Variants in C1QTNF3 observed in about 807,000 individuals in gnomAD.
The protein encoded by C1QTNF3 is complement C1q tumor necrosis factor-related protein 3.
Under a neutral mutation model 32.6 loss-of-function variants are expected in C1QTNF3, and 26 were observed. The ratio of observed to expected loss-of-function variants is 0.80; its 90% CI spans 0.58 to 1.11. The LOEUF (loss-of-function observed/expected upper bound fraction) is 1.11, where lower values mean the gene tolerates loss of function less well. Ranked by LOEUF, C1QTNF3 falls within the 50% of genes least tolerant of loss-of-function variation. The pLI, the probability that C1QTNF3 is intolerant of heterozygous loss-of-function variation, is 0.00. For synonymous variants in C1QTNF3, 155 were observed against 146.0 expected, an observed-to-expected ratio of 1.06 and a Z score of -0.44; for missense variants, 362 against 398.2, an observed-to-expected ratio of 0.91 and a Z score of 0.77.
rs1376225255 is a variant in C1QTNF3, at chr5:34,042,331, C to A, written c.303+492G>T. Among the ~76,000 whole-genome samples the A allele has an allele frequency of 3.3e-5, 5 of 152,004 alleles. No homozygotes were observed. The East Asian group carries it at 9.6e-4, about 29-fold the overall frequency. On this transcript the variant is annotated intron_variant, in intron 1 of 5. Transcript: ENST00000382065. The stretch of plus-strand genomic sequence containing the variant: ...GCTATAAATCAAATAAACAAGACTG[C>A]CATGAAATGTCACAGTATACTCACA...
chr5:34,178,295 C>G, the C1QTNF3 span, among the ~76,000 whole-genome samples: 1 of 152,084 alleles, frequency 6.6e-6, no homozygotes, highest in South Asian at 2.1e-4. Context: ...AGAAAGAATT[C>G]AGAGCTGGTT....
the C1QTNF3 span, among the ~76,000 whole-genome samples, chr5:34,119,204 G>C: frequency 6.6e-6 from 1 of 152,146 alleles, no homozygotes; most frequent in Non-Finnish European, 1.5e-5. Flanking sequence ...CTTAGAATCT[G>C]ATCAATATCT....
the C1QTNF3 span, among the ~76,000 whole-genome samples, chr5:34,209,210 G>A: frequency 6.6e-6 from 1 of 152,092 alleles, no homozygotes; most frequent in Non-Finnish European, 1.5e-5. Context: ...GAATAGCCTG[G>A]TGGCCTTAAA....
At chr5:34,087,655 C>T in the C1QTNF3 span, among the ~76,000 whole-genome samples, 1 of 138,792 alleles carries the variant, frequency 7.2e-6, no homozygotes, top group East Asian at 2.1e-4. Context: ...CTCAATCAGC[C>T]TTGACCTCTC....
the C1QTNF3 span, among the ~76,000 whole-genome samples, chr5:34,105,249 GA>G: frequency 6.6e-6 from 1 of 152,062 alleles, no homozygotes; most frequent in Non-Finnish European, 1.5e-5. Context: ...TTGTAAGCAT[GA>G]CAAGACTCAA....
the C1QTNF3 span, among the ~76,000 whole-genome samples, chr5:34,135,394 T>C: frequency 2.0e-5 from 3 of 152,094 alleles, no homozygotes; most frequent in African/African-American, 7.2e-5. Context: ...TTTTTTTGCG[T>C]CTCTGCCAGG....
In C1QTNF3 at chr5:34,023,900, A is replaced by C. The variant is rs1554007357; in HGVS notation, c.800+9T>G. The C allele has an allele frequency of 6.2e-7, 1 of 1,611,328 alleles. No individual in the cohort carries two copies. Among genetic ancestry groups the C allele is most frequent in the Non-Finnish European group, 8.5e-7 (1 of 1,177,676 alleles). On this transcript the variant is annotated intron_variant, in intron 5 of 5. Transcript: ENST00000382065. ...ATGGATGAGACCCATGACAGAAAAG[A>C]CCACCCACCTGTACATGCTGAAGAC...
the C1QTNF3 span, among the ~76,000 whole-genome samples, chr5:34,125,625 AT>A: frequency 6.6e-6 from 1 of 152,008 alleles, no homozygotes; most frequent in Non-Finnish European, 1.5e-5. Context: ...TTGTCTGCAC[AT>A]TTCTAAACAT....
the C1QTNF3 span, among the ~76,000 whole-genome samples, chr5:34,228,816 C>T: frequency 2.0e-5 from 3 of 151,634 alleles, no homozygotes; most frequent in Non-Finnish European, 4.4e-5. Context: ...ACCTATAAAG[C>T]TACTATTCCT....
At chr5:34,195,889 G>A in the C1QTNF3 span, among the ~76,000 whole-genome samples, 188 of 152,188 alleles carry the variant, frequency 1.2e-3, no homozygotes, top group African/African-American at 4.3e-3. Context: ...CCCAAGGTGA[G>A]GATACTGGGA....
At chr5:34,186,660 G>A in the C1QTNF3 span, among the ~76,000 whole-genome samples, 2 of 152,336 alleles carry the variant, frequency 1.3e-5, no homozygotes, top group South Asian at 4.2e-4. Context: ...GGGACTATAA[G>A]TGTGTACCAC....
At chr5:34,082,548 C>G in the C1QTNF3 span, among the ~76,000 whole-genome samples, 1 of 151,776 alleles carries the variant, frequency 6.6e-6, no homozygotes, top group East Asian at 1.9e-4. Flanking sequence ...TATCAAAGGA[C>G]AGCATCGTCT....
chr5:34,094,332 G>A, the C1QTNF3 span, among the ~76,000 whole-genome samples: 1 of 151,968 alleles, frequency 6.6e-6, no homozygotes, highest in Non-Finnish European at 1.5e-5. Flanking sequence ...ACAGCTGTGA[G>A]CTCCAGGCTT....
upstream of C1QTNF3, among the ~76,000 whole-genome samples, chr5:34,044,512 T>C (rs2112128786): frequency 6.6e-6 from 1 of 152,132 alleles, no homozygotes; most frequent in Non-Finnish European, 1.5e-5. Context: ...AGAGAGCTGT[T>C]GACAGCTGCC....
the C1QTNF3 span, among the ~76,000 whole-genome samples, chr5:34,221,547 A>G: frequency 6.6e-6 from 1 of 152,072 alleles, no homozygotes; most frequent in South Asian, 2.1e-4. Flanking sequence ...CTGCCAGTCA[A>G]TGTTACATGT....
the C1QTNF3 span, among the ~76,000 whole-genome samples, chr5:34,113,703 T>C: frequency 6.6e-6 from 1 of 152,274 alleles, no homozygotes; most frequent in South Asian, 2.1e-4. Context: ...AAAACATATA[T>C]CCATATAGCA....
chr5:34,121,352 G>A, the C1QTNF3 span, among the ~76,000 whole-genome samples: 2 of 151,996 alleles, frequency 1.3e-5, no homozygotes, highest in South Asian at 4.2e-4. Context: ...CCTGAGACTG[G>A]GAAGAAAAGG....
chr5:34,033,098 T>C (rs1363430329), intron 3 of C1QTNF3: 1 of 513,378 alleles, frequency 1.9e-6, no homozygotes. Flanking sequence ...CATAAATGTC[T>C]CTCCTCCCTA....
At position 34,020,580 on chromosome 5, in the gene C1QTNF3, T is replaced by C. The variant is rs202069451; in HGVS notation, c.*3A>G. On this transcript the variant is annotated 3_prime_UTR_variant, in exon 6 of 6. Transcript: ENST00000382065. ...CCAAAGTGGAGCTATTCTAGTCATATATTTACTTAGTTTCAAAGAGCAGGA... is the reference window on the plus strand; with the variant it reads ...CCAAAGTGGAGCTATTCTAGTCATACATTTACTTAGTTTCAAAGAGCAGGA... 3.8e-5 allele frequency: 61 copies of C among 1,613,932 alleles called. 1 individual carries two copies. In the Middle Eastern group the frequency reaches 1.3e-3, roughly 35 times the overall value.
Sources: allele counts gnomAD v4.1 joint callset (sites outside exome capture counted in the v4.1 genomes callset), GRCh38; gene constraint gnomAD v4.1.1; transcripts MANE v1.5; gene names NCBI Gene and HGNC (gene_info 2026-07-23, HGNC 2026-07-21).